The following FHOD3 variants were observed in gnomAD, a reference collection of about 807,000 sequenced individuals.
FHOD3 encodes the protein formin homology 2 domain containing 3, also known as FH1/FH2 domain-containing protein 3.
In FHOD3, 90 loss-of-function variants were observed where a neutral mutation model predicts 173.0. That is an observed-to-expected ratio of 0.52 (90% CI 0.44 to 0.62). The LOEUF (loss-of-function observed/expected upper bound fraction) is 0.62. Ranked by LOEUF, FHOD3 falls within the 20% of genes least tolerant of loss-of-function variation. The probability of loss-of-function intolerance (pLI) is 0.00; values close to 1 mark genes in which losing one functional copy is unlikely to be tolerated. For synonymous variants in FHOD3, 828 were observed against 823.0 expected (o/e 1.01, Z -0.10); for missense variants, 1,945 against 2,034.7 (o/e 0.96, Z 0.85).
intron 3 of FHOD3, among the ~76,000 whole-genome samples, chr18:36,424,031 A>G (rs971366005): frequency 6.6e-6 from 1 of 152,206 alleles, no homozygotes; most frequent in Admixed American, 6.5e-5. Flanking sequence ...AACTGCCTTC[A>G]GCTGAACCAA....
chr18:36,474,915 C>T lies in FHOD3; in HGVS notation c.338-27017C>T, dbSNP rs547889187. 3.3e-5 allele frequency among the ~76,000 whole-genome samples: 5 copies of T among 151,502 alleles called. No individual in the cohort carries two copies. The South Asian group carries it at 1.0e-3, about 32-fold the overall frequency. ...GCTGAAGTCAAAGCTGCCTGGGGTA[C>T]AGGTGACTTTTCGCTAGTTTTGGGC... On this transcript the variant is annotated intron_variant, in intron 3 of 28. Transcript: ENST00000590592.
intron 24 of FHOD3, among the ~76,000 whole-genome samples, chr18:36,751,940 C>T (rs540375706): frequency 1.4e-4 from 22 of 152,100 alleles, no homozygotes; most frequent in African/African-American, 2.9e-4. Context: ...AAGACATATC[C>T]GAGACTGGGT....
intron 1 of FHOD3, 139 bp from the exon 2 acceptor site, chr18:36,355,400 C>T: frequency 1.5e-6 from 1 of 661,930 alleles, no homozygotes; most frequent in Non-Finnish European, 2.7e-6. Flanking sequence ...CACTAACATA[C>T]TAGCTCTTCA....
chr18:36,637,749 A>G (rs1462617780), intron 10 of FHOD3, among the ~76,000 whole-genome samples: 1 of 152,182 alleles, frequency 6.6e-6, no homozygotes, highest in Non-Finnish European at 1.5e-5. Context: ...CAGGGATATG[A>G]GAATATATCC....
chr18:36,421,672 C>T (rs554060857), intron 3 of FHOD3, among the ~76,000 whole-genome samples: 1 of 152,160 alleles, frequency 6.6e-6, no homozygotes, highest in Non-Finnish European at 1.5e-5. Context: ...AAATAATTCT[C>T]CAGAATCAGC....
chr18:36,344,913 G>A (rs1387462876), intron 1 of FHOD3, among the ~76,000 whole-genome samples: 1 of 152,096 alleles, frequency 6.6e-6, no homozygotes, highest in Admixed American at 6.5e-5. Context: ...TCTTCAGGCA[G>A]GAAATATTAC....
intron 3 of FHOD3, among the ~76,000 whole-genome samples, chr18:36,465,385 G>A (rs758441311): frequency 4.6e-5 from 7 of 152,156 alleles, no homozygotes; most frequent in Non-Finnish European, 8.8e-5. Flanking sequence ...AATGATGTTC[G>A]TGGCTGCCTC....
intron 10 of FHOD3, among the ~76,000 whole-genome samples, chr18:36,635,610 G>A (rs2034826367): frequency 6.6e-6 from 1 of 152,312 alleles, no homozygotes; most frequent in Non-Finnish European, 1.5e-5. Flanking sequence ...TGACTGGATT[G>A]CATGGTGACA....
intron 14 of FHOD3, among the ~76,000 whole-genome samples, chr18:36,669,176 T>A (rs1315782739): frequency 4.6e-5 from 7 of 151,956 alleles, no homozygotes; most frequent in Admixed American, 2.0e-4. Context: ...TGTTATATCC[T>A]ACTGATGGCT....
intron 17 of FHOD3, among the ~76,000 whole-genome samples, chr18:36,696,418 G>T (rs191959773): frequency 1.3e-4 from 20 of 152,262 alleles, no homozygotes; most frequent in African/African-American, 4.8e-4. Context: ...CCCTTTATGG[G>T]TTCTTTCTTT....
At chr18:36,714,993 T>G (rs2040370675) in intron 18 of FHOD3, among the ~76,000 whole-genome samples, 1 of 152,094 alleles carries the variant, frequency 6.6e-6, no homozygotes, top group South Asian at 2.1e-4. Context: ...GGATGTTCCT[T>G]CGGCTGAATG....
intron 28 of FHOD3, among the ~76,000 whole-genome samples, chr18:36,777,083 C>T (rs1260443515): frequency 6.6e-6 from 1 of 151,910 alleles, no homozygotes; most frequent in African/African-American, 2.4e-5. Flanking sequence ...CATTCAGCCA[C>T]AATATATACC....
rs752262255 is a variant in FHOD3, at chr18:36,304,556, AT to A, written c.165+6566del. ...GGCTGAGATAGCTAACCATCAGTGG[AT>A]TTTTTTTTTCATACCTCCAATGATA... On this transcript the variant is annotated intron_variant, in intron 1 of 28. Transcript: ENST00000590592. 1.5e-4 allele frequency among the ~76,000 whole-genome samples: 23 copies of A among 150,346 alleles called. No homozygotes were observed. The East Asian group carries it at 2.1e-3, about 14-fold the overall frequency.
chr18:36,368,505 G>A (rs1598861255), intron 2 of FHOD3, among the ~76,000 whole-genome samples: 1 of 152,144 alleles, frequency 6.6e-6, no homozygotes, highest in Non-Finnish European at 1.5e-5. Context: ...GACTGCCTGG[G>A]TTGAGTCTGA....
Position 36,769,347 on chromosome 18 carries a change from C to G in FHOD3, c.4707C>G (p.Ile1569Met). ...DDAADEIMDR[I>M]VKSATQVPSQ... Reference sequence around the variant, plus strand: ...CAGCTGATGAGATCATGGACCGCATCGTCAAGTCAGCCACCCAAGTGCCCA... The same window carrying G: ...CAGCTGATGAGATCATGGACCGCATGGTCAAGTCAGCCACCCAAGTGCCCA... Residue 1569 changes from isoleucine to methionine, a missense_variant, in exon 28 of 29, where the codon ATC becomes ATG. By Grantham distance (10) the Ile-to-Met change is conservative. Coordinates refer to ENST00000590592, the MANE Select transcript of FHOD3 (RefSeq NM_001281740.3). 6.2e-7 allele frequency: 1 copy of G among 1,614,194 alleles called. No homozygotes were observed. The highest frequency in any genetic ancestry group is 8.5e-7 in the Non-Finnish European group (1 of 1,180,032).
At chr18:36,337,038 T>C (rs1464244760) in intron 1 of FHOD3, among the ~76,000 whole-genome samples, 2 of 151,772 alleles carry the variant, frequency 1.3e-5, no homozygotes, top group South Asian at 2.1e-4. Context: ...ATGGGCGTGG[T>C]GGTACATTCC....
intron 10 of FHOD3, among the ~76,000 whole-genome samples, chr18:36,633,594 C>T (rs1175284309): frequency 1.3e-5 from 2 of 152,204 alleles, no homozygotes; most frequent in South Asian, 2.1e-4. Context: ...GGTTAAGGAG[C>T]TTGTCCCCAG....
At chr18:36,675,320 C>T (rs542731826) in intron 14 of FHOD3, among the ~76,000 whole-genome samples, 1 of 152,186 alleles carries the variant, frequency 6.6e-6, no homozygotes, top group Non-Finnish European at 1.5e-5. Flanking sequence ...GCTGCCACCC[C>T]CTTTCTCTCT....
intron 1 of FHOD3, among the ~76,000 whole-genome samples, chr18:36,319,654 G>A (rs144859569): frequency 0.1 from 15,797 of 152,030 alleles, 1,045 homozygotes; most frequent in Middle Eastern, 0.24. Flanking sequence ...ACATCTACAG[G>A]ACTCTCCACC....
Sources: gnomAD v4.1 joint callset for allele counts (sites outside exome capture counted in the v4.1 genomes callset) on GRCh38, gnomAD v4.1.1 for gene constraint, MANE v1.5 for transcripts, NCBI Gene and HGNC (gene_info 2026-07-23, HGNC 2026-07-21) for gene names.